RBFOX2: variants seen among roughly 807,000 people sequenced by gnomAD.
The protein encoded by RBFOX2 is RNA binding protein fox-1 homolog 2.
Under a neutral mutation model 49.1 loss-of-function variants are expected in RBFOX2, and 10 were observed. The observed-to-expected ratio is 0.20, with a 90% CI of 0.13 to 0.35. The LOEUF is 0.35. RBFOX2 is among the 10% of genes least tolerant of loss of function. RBFOX2 has a pLI of 1.00. For missense variants in RBFOX2, 323 were observed against 486.9 expected (o/e 0.66, Z 3.17); for synonymous variants, 183 against 187.4 (o/e 0.98, Z 0.19).
chr22:35,884,000 C>CTTTTTTTTTTTTTT (rs34644201), intron 1 of RBFOX2, among the ~76,000 whole-genome samples: 3 of 62,640 alleles, frequency 4.8e-5, no homozygotes, highest in Non-Finnish European at 5.6e-5. Flanking sequence ...GTAGTTATCT[C>CTTTTTTTTTTTTTT]TTTTTTTTTT....
At chr22:35,911,352 C>T (rs1200419131) in intron 1 of RBFOX2, among the ~76,000 whole-genome samples, 2 of 152,104 alleles carry the variant, frequency 1.3e-5, no homozygotes, top group Admixed American at 6.5e-5. Flanking sequence ...TGGGAGAGAA[C>T]CTCATAAATA....
At chr22:35,890,011 AC>A (rs1359968171) in intron 1 of RBFOX2, among the ~76,000 whole-genome samples, 2 of 152,104 alleles carry the variant, frequency 1.3e-5, no homozygotes, top group African/African-American at 4.8e-5. Flanking sequence ...AAGACCCGAA[AC>A]TGTATCTTTT....
At chr22:35,756,300 A>T (rs889173920) in intron 9 of RBFOX2, among the ~76,000 whole-genome samples, 156 bp from the exon 11 acceptor site, 1 of 152,200 alleles carries the variant, frequency 6.6e-6, no homozygotes, top group African/African-American at 2.4e-5. Flanking sequence ...TTGGTGAGAA[A>T]ATGTGAAAGT....
intron 1 of RBFOX2, among the ~76,000 whole-genome samples, chr22:35,810,630 C>A (rs556417040): frequency 1.1e-4 from 16 of 152,056 alleles, no homozygotes; most frequent in African/African-American, 3.6e-4. Context: ...CTAACTGTCA[C>A]GAAAATTCAC....
chr22:35,965,106 G>T (rs2056481727), upstream of RBFOX2, among the ~76,000 whole-genome samples: 1 of 152,210 alleles, frequency 6.6e-6, no homozygotes, highest in African/African-American at 2.4e-5. Flanking sequence ...TATGGTGACA[G>T]CACACAGAAG....
intron 1 of RBFOX2, among the ~76,000 whole-genome samples, chr22:35,884,953 G>A (rs546125924): frequency 1.3e-5 from 2 of 152,096 alleles, no homozygotes; most frequent in African/African-American, 2.4e-5. Flanking sequence ...GGAGGCACTT[G>A]GGAATTTGTT....
exon 1 of RBFOX2, chr22:36,028,412 G>C (rs2059534646): frequency 8.1e-7 from 1 of 1,230,394 alleles, no homozygotes; most frequent in African/African-American, 1.6e-5. Context: ...ATGCGGCTGG[G>C]CGCCCTCCGC....
intron 1 of RBFOX2, among the ~76,000 whole-genome samples, chr22:35,848,741 T>C (rs1250426613): frequency 2.0e-5 from 3 of 152,204 alleles, no homozygotes; most frequent in Admixed American, 1.3e-4. Flanking sequence ...ACAGACCAAG[T>C]AGTATCTTTA....
intron 1 of RBFOX2, among the ~76,000 whole-genome samples, chr22:35,879,755 T>C (rs1188847908): frequency 6.6e-6 from 1 of 152,212 alleles, no homozygotes; most frequent in African/African-American, 2.4e-5. Context: ...GATGTTGTGA[T>C]TAGAATAAAT....
At chr22:35,853,477 TA>T (rs971708939) in intron 1 of RBFOX2, among the ~76,000 whole-genome samples, 1 of 152,038 alleles carries the variant, frequency 6.6e-6, no homozygotes, top group East Asian at 1.9e-4. Context: ...ATGAAAAAAC[TA>T]AAAAATTTAT....
chr22:35,902,697 T>C (rs540707850), intron 1 of RBFOX2, among the ~76,000 whole-genome samples: 1 of 151,854 alleles, frequency 6.6e-6, no homozygotes, highest in East Asian at 1.9e-4. Context: ...CAGGCTGGAG[T>C]GCAGTGGTGC....
Position 35,914,378 on chromosome 22 carries a change from A to G in RBFOX2, c.-34+24469T>C, listed in dbSNP as rs573359985. Among the ~76,000 whole-genome samples the G allele has an allele frequency of 3.3e-5, 5 of 152,346 alleles. No individual in the cohort carries two copies. In the South Asian group the frequency reaches 1.0e-3, roughly 32 times the overall value. On this transcript the variant is annotated intron_variant, in intron 1 of 13. Coordinates refer to the RBFOX2 transcript ENST00000359369. ...TAAAACGCCACTGGAATATATAGTG[A>G]TATACCATACATGCCCATTTTCTCC...
intron 1 of RBFOX2, among the ~76,000 whole-genome samples, chr22:35,969,831 GA>G (rs1352833901): frequency 6.6e-6 from 1 of 152,218 alleles, no homozygotes; most frequent in Admixed American, 6.5e-5. Flanking sequence ...GAATGTGGAA[GA>G]ATATGTATCA....
chr22:35,927,184 T>C (rs986023655), intron 1 of RBFOX2, among the ~76,000 whole-genome samples: 1 of 152,212 alleles, frequency 6.6e-6, no homozygotes, highest in African/African-American at 2.4e-5. Context: ...GAGATTAAGT[T>C]GTGAACAAGG....
chr22:35,760,037 A>C lies in RBFOX2; in HGVS notation c.755-17T>G. 6.2e-7 allele frequency: 1 copy of C among 1,613,390 alleles called. No individual in the cohort carries two copies. Among genetic ancestry groups the C allele is most frequent in the Non-Finnish European group, 8.5e-7 (1 of 1,179,878 alleles). On this transcript the variant is annotated splice_polypyrimidine_tract_variant and intron_variant, in intron 8 of 11. Transcript: ENST00000405409. The stretch of plus-strand genomic sequence containing the variant: ...AGCCAGGAACTAAAGGGAGACCCAA[A>C]ATATGACAGAAATTTCAACTTGCAT...
At chr22:35,822,191 T>G (rs968257268) in intron 1 of RBFOX2, among the ~76,000 whole-genome samples, 5 of 152,222 alleles carry the variant, frequency 3.3e-5, no homozygotes, top group African/African-American at 1.2e-4. Flanking sequence ...GTGTCTTGTA[T>G]TTTCCATTTT....
At chr22:35,842,947 G>T (rs3885446), upstream of RBFOX2, among the ~76,000 whole-genome samples, 1 of 152,060 alleles carries the variant, frequency 6.6e-6, no homozygotes, top group South Asian at 2.1e-4. Flanking sequence ...AGTGCAAATA[G>T]GCTTAAAAAT....
chr22:35,899,566 C>CAAAAAAAAAAA, intron 1 of RBFOX2, among the ~76,000 whole-genome samples: 1 of 90,080 alleles, frequency 1.1e-5, no homozygotes, highest in Non-Finnish European at 2.7e-5. Flanking sequence ...TAAAACAAAA[C>CAAAAAAAAAAA]AAAAAAAAAA....
intron 1 of RBFOX2, among the ~76,000 whole-genome samples, chr22:36,025,147 A>G (rs2059385659): frequency 6.6e-6 from 1 of 152,122 alleles, no homozygotes; most frequent in South Asian, 2.1e-4. Flanking sequence ...GCCTATAGAT[A>G]TTTCTAAACC....
Sources: allele counts gnomAD v4.1 joint callset (sites outside exome capture counted in the v4.1 genomes callset), GRCh38; gene constraint gnomAD v4.1.1; transcripts MANE v1.5; gene names NCBI Gene and HGNC (gene_info 2026-07-23, HGNC 2026-07-21).